The following LINGO2 variants were observed in gnomAD, a reference collection of about 807,000 sequenced individuals.
LINGO2 encodes the protein leucine-rich repeat and immunoglobulin-like domain-containing nogo receptor-interacting protein 2.
A neutral mutation model predicts 30.6 loss-of-function variants in LINGO2; 14 were observed. That is an observed-to-expected ratio of 0.46 (90% CI 0.30 to 0.72). LINGO2 has a LOEUF of 0.72. LINGO2 is among the 30% of genes least tolerant of loss of function. The pLI, the probability that LINGO2 is intolerant of heterozygous loss-of-function variation, is 0.07. For missense variants in LINGO2, 729 were observed against 751.7 expected (o/e 0.97, Z 0.35); for synonymous variants, 317 against 288.5 (o/e 1.10, Z -1.00).
At chr9:29,169,183 G>A in the LINGO2 span, among the ~76,000 whole-genome samples, 5 of 152,000 alleles carry the variant, frequency 3.3e-5, no homozygotes, top group Admixed American at 3.3e-4. Flanking sequence ...CCTGACCTCA[G>A]GTGATCCGCC....
the LINGO2 span, among the ~76,000 whole-genome samples, chr9:29,149,507 A>T: frequency 6.6e-6 from 1 of 152,056 alleles, no homozygotes; most frequent in Non-Finnish European, 1.5e-5. Context: ...TAGAGAGGCA[A>T]CGCGGGCACC....
chr9:27,990,106 A>C (rs1253874288), intron 5 of LINGO2, among the ~76,000 whole-genome samples: 1 of 152,032 alleles, frequency 6.6e-6, no homozygotes, highest in Non-Finnish European at 1.5e-5. Context: ...AGCAAATAGC[A>C]CTGCTTACTT....
At chr9:29,028,440 G>GAC in the LINGO2 span, among the ~76,000 whole-genome samples, 1 of 150,000 alleles carries the variant, frequency 6.7e-6, no homozygotes. Flanking sequence ...GAGAGAGAGA[G>GAC]AGAGAGACAC....
chr9:28,786,547 G>A, the LINGO2 span, among the ~76,000 whole-genome samples: 1 of 152,202 alleles, frequency 6.6e-6, no homozygotes, highest in African/African-American at 2.4e-5. Flanking sequence ...TGCCTAGGGT[G>A]TAGGTAATCT....
chr9:28,241,828 G>A (rs1821811642), intron 4 of LINGO2, among the ~76,000 whole-genome samples: 2 of 152,112 alleles, frequency 1.3e-5, no homozygotes, highest in South Asian at 2.1e-4. Flanking sequence ...AGGCATGGAA[G>A]TAAATAGGGC....
chr9:28,193,454 A>G (rs1350704574), intron 4 of LINGO2, among the ~76,000 whole-genome samples: 1 of 152,174 alleles, frequency 6.6e-6, no homozygotes, highest in African/African-American at 2.4e-5. Context: ...AATATATCAC[A>G]TGCCAAAATT....
chr9:28,904,639 CTGAG>C, the LINGO2 span, among the ~76,000 whole-genome samples: 396 of 151,958 alleles, frequency 2.6e-3, no homozygotes, highest in Non-Finnish European at 4.4e-3. Context: ...ATAAATTTAA[CTGAG>C]TAAGTGAATG....
the LINGO2 span, among the ~76,000 whole-genome samples, chr9:28,716,052 C>G: frequency 6.6e-6 from 1 of 151,908 alleles, no homozygotes; most frequent in Admixed American, 6.6e-5. Context: ...ATGCAATACT[C>G]CTGTCCACAT....
intron 4 of LINGO2, among the ~76,000 whole-genome samples, chr9:28,291,875 A>G (rs1364357793): frequency 6.6e-6 from 1 of 152,214 alleles, no homozygotes; most frequent in Non-Finnish European, 1.5e-5. Flanking sequence ...GGATAAATTT[A>G]AAGAAAATTA....
the LINGO2 span, among the ~76,000 whole-genome samples, chr9:28,719,296 T>C: frequency 6.6e-6 from 1 of 151,984 alleles, no homozygotes; most frequent in Non-Finnish European, 1.5e-5. Context: ...CCCTACATCT[T>C]CTCTAAATTA....
At chr9:28,843,248 C>A in the LINGO2 span, among the ~76,000 whole-genome samples, 2 of 151,580 alleles carry the variant, frequency 1.3e-5, no homozygotes, top group South Asian at 4.1e-4. Flanking sequence ...CTTATTTGAT[C>A]TTTTTGACCT....
intron 5 of LINGO2, among the ~76,000 whole-genome samples, chr9:27,979,415 C>T (rs921810157): frequency 3.3e-5 from 5 of 151,956 alleles, no homozygotes; most frequent in Admixed American, 1.3e-4. Flanking sequence ...GTCACTGCTT[C>T]ACTTGGTGAT....
the LINGO2 span, among the ~76,000 whole-genome samples, chr9:28,801,930 A>G: frequency 6.6e-6 from 1 of 152,052 alleles, no homozygotes; most frequent in Non-Finnish European, 1.5e-5. Context: ...ATAGTGTGCC[A>G]AAATAATTAC....
chr9:28,556,326 T>A (rs559200844), intron 1 of LINGO2, among the ~76,000 whole-genome samples: 189 of 151,606 alleles, frequency 1.2e-3, no homozygotes, highest in African/African-American at 1.8e-3. Flanking sequence ...ATGTACAAAA[T>A]TCACAAGCAT....
intron 2 of LINGO2, among the ~76,000 whole-genome samples, chr9:28,441,791 C>T (rs1331723051): frequency 1.3e-5 from 2 of 152,056 alleles, no homozygotes; most frequent in Non-Finnish European, 2.9e-5. Context: ...TTGCATTATT[C>T]AAGTCACCTA....
chr9:28,367,118 C>T (rs1230619224), intron 3 of LINGO2, among the ~76,000 whole-genome samples: 1 of 150,020 alleles, frequency 6.7e-6, no homozygotes, highest in Non-Finnish European at 1.5e-5. Flanking sequence ...AAAGTCAGCA[C>T]ATATTATTAT....
chr9:29,038,672 A>AG, the LINGO2 span, among the ~76,000 whole-genome samples: 2 of 75,306 alleles, frequency 2.7e-5, no homozygotes, highest in Non-Finnish European at 5.6e-5. Flanking sequence ...TTCACTACTC[A>AG]GAAAAAAAAA....
At chr9:28,767,314 T>C in the LINGO2 span, among the ~76,000 whole-genome samples, 35 of 152,342 alleles carry the variant, frequency 2.3e-4, 1 homozygote, top group South Asian at 6.2e-3. Flanking sequence ...TATTTTGCTA[T>C]GTATAAGAAT....
chr9:28,495,919 C>G (rs1379090918), intron 1 of LINGO2, among the ~76,000 whole-genome samples: 1 of 152,046 alleles, frequency 6.6e-6, no homozygotes, highest in Non-Finnish European at 1.5e-5. Flanking sequence ...ATTATGTACC[C>G]AGTAGTCATT....
Sources: gnomAD v4.1 joint callset for allele counts (sites outside exome capture counted in the v4.1 genomes callset) on GRCh38, gnomAD v4.1.1 for gene constraint, MANE v1.5 for transcripts, NCBI Gene and HGNC (gene_info 2026-07-23, HGNC 2026-07-21) for gene names.